ST3GAL5: variants seen among roughly 807,000 people sequenced by gnomAD.
The protein encoded by ST3GAL5 is ST3 beta-galactoside alpha-2,3-sialyltransferase 5, also known as lactosylceramide alpha-2,3-sialyltransferase.
In ST3GAL5, 25 loss-of-function variants were observed where a neutral mutation model predicts 46.1. That is an observed-to-expected ratio of 0.54 (90% CI 0.40 to 0.76). ST3GAL5 has a LOEUF of 0.76. ST3GAL5 is among the 30% of genes least tolerant of loss of function. The probability of loss-of-function intolerance (pLI) is 0.00; values close to 1 mark genes in which losing one functional copy is unlikely to be tolerated. For missense variants in ST3GAL5, 431 were observed against 521.2 expected (o/e 0.83, Z 1.69); for synonymous variants, 182 against 192.7 (o/e 0.94, Z 0.46).
chr2:85,883,012 A>G (rs1162432396), intron 1 of ST3GAL5, among the ~76,000 whole-genome samples: 1 of 152,148 alleles, frequency 6.6e-6, no homozygotes, highest in East Asian at 1.9e-4. Flanking sequence ...GGCTTGTCTC[A>G]GATGAGACTT....
In ST3GAL5 at chr2:85,888,897, C is replaced by A. The variant is rs1359970598; in HGVS notation, c.9G>T (p.Thr3=). The stretch of plus-strand genomic sequence containing the variant: ...GCCGCTCCGCGCAGCCCGCCGCCTT[C>A]GTCCGCATACTAATGAGGGGGCGCC... MR[T]KAAGCAERRP... is the part of the protein sequence containing the mutation. Residue 3 remains threonine, a synonymous_variant, in exon 1 of 7, where the codon ACG becomes ACT. Transcript: ENST00000638572. The A allele has an allele frequency of 1.5e-6, 2 of 1,371,504 alleles. No individual in the cohort carries two copies. Among genetic ancestry groups the A allele is most frequent in the East Asian group, 3.3e-5 (1 of 29,888 alleles). The allele number at this position is 1,371,504 out of a possible 1,614,324, so 85.0% of individuals were successfully genotyped here. A position where few individuals can be genotyped will look rare whatever the true frequency, so the allele number is the denominator to read the frequency against.
In ST3GAL5 at chr2:85,853,141, C is replaced by T. The variant is rs1302893160; in HGVS notation, c.319-4937G>A. On this transcript the variant is annotated intron_variant, in intron 3 of 6. Coordinates refer to ENST00000638572, the MANE Select transcript of ST3GAL5 (RefSeq NM_003896.4). ...GGCCAAGTTCAAAATGCTGCTACTACACAGCCCAAACCGAAACTGACATCA... is the reference window on the plus strand; with the variant it reads ...GGCCAAGTTCAAAATGCTGCTACTATACAGCCCAAACCGAAACTGACATCA... 2.4e-6 allele frequency: 3 copies of T among 1,257,182 alleles called. No individual in the cohort carries two copies. In the Admixed American group the frequency reaches 7.0e-5, roughly 29 times the overall value. The allele number at this position is 1,257,182 out of a possible 1,614,324, so 77.9% of individuals were successfully genotyped here.
At position 85,846,591 on chromosome 2, in the gene ST3GAL5, A is replaced by G. The variant is rs773832896; in HGVS notation, c.663-28T>C. ...ATTTAAATAAAAAGGACAAAGACACACTGACAAAGCAGGCCATCAACCATC... is the reference window on the plus strand; with the variant it reads ...ATTTAAATAAAAAGGACAAAGACACGCTGACAAAGCAGGCCATCAACCATC... On this transcript the variant is annotated intron_variant, in intron 4 of 6. Transcript: ENST00000638572. 4.3e-6 allele frequency: 7 copies of G among 1,610,918 alleles called. No homozygotes were observed. The South Asian group carries it at 7.7e-5, about 18-fold the overall frequency.
chr2:85,846,207 A>G (rs979312201), intron 5 of ST3GAL5, 170 bp downstream of exon 5: 7 of 676,562 alleles, frequency 1.0e-5, no homozygotes, highest in Non-Finnish European at 5.1e-6. Flanking sequence ...CCATCCCCAA[A>G]AAAAAGAATT....
chr2:85,837,977 G>C lies in ST3GAL5; in HGVS notation c.*2167C>G, dbSNP rs888130393. 6.6e-6 allele frequency: 1 copy of C among 152,264 alleles called. No individual in the cohort carries two copies. The highest frequency in any genetic ancestry group is 2.4e-5 in the African/African-American group (1 of 41,414). The allele number at this position is 152,264 out of a possible 1,614,324, so 9.4% of individuals were successfully genotyped here. A position where few individuals can be genotyped will look rare whatever the true frequency, so the allele number is the denominator to read the frequency against. Reference sequence around the variant, plus strand: ...GTTTTCAGAAGAGTGTGTGTGGGGTGGGGGAGTAATGGGGGCACAGCTCTG... The same window carrying C: ...GTTTTCAGAAGAGTGTGTGTGGGGTCGGGGAGTAATGGGGGCACAGCTCTG... On this transcript the variant is annotated 3_prime_UTR_variant, in exon 7 of 7. Coordinates refer to ENST00000638572, the MANE Select transcript of ST3GAL5 (RefSeq NM_003896.4).
intron 1 of ST3GAL5, chr2:85,865,873 A>C (rs1038408766): frequency 2.0e-5 from 3 of 152,238 alleles, no homozygotes; most frequent in Admixed American, 2.0e-4. Flanking sequence ...GGCTTCTCGT[A>C]AAGTTGTGAT....
chr2:85,840,592 C>A, intron 6 of ST3GAL5, 200 bp from the exon 7 acceptor site: 1 of 634,356 alleles, frequency 1.6e-6, no homozygotes. Context: ...AAAACATGGT[C>A]TGTGATGTTC....
In ST3GAL5 at chr2:85,847,859, A is replaced by G. The variant is rs1269806627; in HGVS notation, c.662+2T>C. 1.2e-6 allele frequency: 2 copies of G among 1,613,684 alleles called. No homozygotes were observed. Among genetic ancestry groups the G allele is most frequent in the East Asian group, 4.5e-5 (2 of 44,894 alleles). On this transcript the variant is annotated splice_donor_variant, in intron 4 of 6. Coordinates refer to ENST00000638572, the MANE Select transcript of ST3GAL5 (RefSeq NM_003896.4). LOFTEE classifies it high-confidence loss of function. ...ACAAACAAACAAAAAAAACCAATGT[A>G]CCTTATCACAACATCGAACTGGTTC...
Position 85,840,159 on chromosome 2 carries a change from A to C in ST3GAL5, c.1242T>G (p.Ile414Met), listed in dbSNP as rs774383132. Residue 414 changes from isoleucine to methionine, a missense_variant, in exon 7 of 7, where the codon ATT (isoleucine) becomes ATG (methionine). By Grantham distance (10) the Ile-to-Met change is conservative. Coordinates refer to ENST00000638572, the MANE Select transcript of ST3GAL5 (RefSeq NM_003896.4). ...TTTTCTGTGTTCAAAATTCACGATC[A>C]ATGCCTCCACTGAGATCTTTCACCA... ...EGVVKDLSGGIDREF is the reference protein window; with the variant it reads ...EGVVKDLSGGMDREF The C allele has an allele frequency of 6.2e-7, 1 of 1,614,192 alleles. No homozygotes were observed. The highest frequency in any genetic ancestry group is 1.1e-5 in the South Asian group (1 of 91,080).
chr2:85,850,296 T>G (rs1683338442), intron 3 of ST3GAL5: 1 of 152,272 alleles, frequency 6.6e-6, no homozygotes, highest in Admixed American at 6.5e-5. Context: ...ATCATTAGTA[T>G]CTTCACTTTG....
chr2:85,887,969 A>C (rs757961109), intron 1 of ST3GAL5: 1 of 152,264 alleles, frequency 6.6e-6, no homozygotes, highest in Non-Finnish European at 1.5e-5. Context: ...TGCATGACTT[A>C]AGACATGAGG....
chr2:85,873,342 T>C (rs1260138956), intron 1 of ST3GAL5, among the ~76,000 whole-genome samples: 2 of 151,760 alleles, frequency 1.3e-5, no homozygotes, highest in South Asian at 2.1e-4. Context: ...AGGAGTCAAG[T>C]TGGGTTAGCA....
intron 1 of ST3GAL5, among the ~76,000 whole-genome samples, chr2:85,878,047 G>A (rs1042262618): frequency 2.6e-5 from 4 of 152,146 alleles, no homozygotes; most frequent in Non-Finnish European, 5.9e-5. Context: ...GCTAACAGCT[G>A]GAGCCATCCT....
In ST3GAL5 at chr2:85,869,945, C is replaced by T. The variant is rs77021715; in HGVS notation, c.83-6460G>A. On this transcript the variant is annotated intron_variant, in intron 1 of 6. Transcript: ENST00000638572. ...CTGAAGCCACCCAGCCAATGGTGAG[C>T]GCGCACACACACGCACACATAGCCT... 1,733 of 317,270 alleles carry T rather than the reference C, an allele frequency of 5.5e-3. 33 individuals are homozygous for T. The highest frequency in any genetic ancestry group is 0.035 in the African/African-American group (1,646 of 46,430). The allele number at this position is 317,270 out of a possible 1,614,324, so 19.7% of individuals were successfully genotyped here.
At chr2:85,868,437 G>C (rs926230698) in intron 1 of ST3GAL5, among the ~76,000 whole-genome samples, 2 of 151,664 alleles carry the variant, frequency 1.3e-5, no homozygotes, top group African/African-American at 2.4e-5. Flanking sequence ...GAGTAGCTGG[G>C]ACTACAGGCA....
At chr2:85,861,968 T>C (rs760850539) in intron 2 of ST3GAL5, among the ~76,000 whole-genome samples, 1 of 152,050 alleles carries the variant, frequency 6.6e-6, no homozygotes, top group Non-Finnish European at 1.5e-5. Context: ...CTTTAAACAA[T>C]TCTGTTCTTG....
intron 1 of ST3GAL5, among the ~76,000 whole-genome samples, chr2:85,877,478 C>G (rs368103282): frequency 6.6e-6 from 1 of 152,194 alleles, no homozygotes; most frequent in African/African-American, 2.4e-5. Flanking sequence ...TGATTAGATT[C>G]AACTTATGCA....
chr2:85,848,963 A>G (rs1412387351), intron 3 of ST3GAL5: 2 of 152,888 alleles, frequency 1.3e-5, no homozygotes, highest in African/African-American at 4.8e-5. Context: ...AATTACCTGA[A>G]AGAATCAGGG....
chr2:85,883,050 G>A (rs1409105870), intron 1 of ST3GAL5, among the ~76,000 whole-genome samples: 1 of 152,154 alleles, frequency 6.6e-6, no homozygotes, highest in Non-Finnish European at 1.5e-5. Context: ...GGTTAATGCT[G>A]AAATGAGCTA....
Sources: gnomAD v4.1 joint callset for allele counts (sites outside exome capture counted in the v4.1 genomes callset) on GRCh38, gnomAD v4.1.1 for gene constraint, MANE v1.5 for transcripts, NCBI Gene and HGNC (gene_info 2026-07-23, HGNC 2026-07-21) for gene names.